DIP2C: variants seen among roughly 807,000 people sequenced by gnomAD.
DIP2C encodes the protein disco-interacting protein 2 homolog C.
DIP2C carries 33 observed loss-of-function variants against 192.4 expected under a neutral mutation model. That is an observed-to-expected ratio of 0.17 (90% CI 0.13 to 0.23). DIP2C has a LOEUF of 0.23. Ranked by LOEUF, DIP2C falls within the 10% of genes least tolerant of loss-of-function variation. DIP2C has a pLI of 1.00. For missense variants in DIP2C, 1,537 were observed against 2,110.1 expected (o/e 0.73, Z 5.32); for synonymous variants, 979 against 864.1 (o/e 1.13, Z -2.33).
chr10:431,833 GT>G (rs1966859184), intron 4 of DIP2C, among the ~76,000 whole-genome samples: 2 of 152,166 alleles, frequency 1.3e-5, no homozygotes, highest in African/African-American at 2.4e-5. Flanking sequence ...CCGGATCTTA[GT>G]GGGAAAAATT....
chr10:387,696 G>C (rs1464392697), intron 14 of DIP2C, 49 bp downstream of exon 14: 1 of 1,581,876 alleles, frequency 6.3e-7, no homozygotes, highest in Non-Finnish European at 8.7e-7. Flanking sequence ...GGCAGGGCAG[G>C]GTGGGGGACT....
intron 32 of DIP2C, among the ~76,000 whole-genome samples, chr10:301,088 G>C (rs892757148): frequency 1.3e-5 from 2 of 152,156 alleles, no homozygotes; most frequent in Non-Finnish European, 1.5e-5. Context: ...ACTGAGCGTG[G>C]AACATTAGGG....
chr10:384,061 C>T lies in DIP2C; in HGVS notation c.1842G>A (p.Leu614=). ...RDQRDINLSS[L]RMLIVADGAN... is the part of the protein sequence containing the mutation. The stretch of plus-strand genomic sequence containing the variant: ...CGCCGTCCGCCACTATCAGCATTCG[C>T]AGAGAGGAGAGGTTGATGTCTCTCT... The change falls in exon 16 of 37, where the codon CTG becomes CTA. Residue 614 remains leucine, a synonymous_variant. Coordinates refer to ENST00000280886, the MANE Select transcript of DIP2C (RefSeq NM_014974.3). 3 of 1,610,306 alleles carry T rather than the reference C, an allele frequency of 1.9e-6. No individual in the cohort carries two copies. The highest frequency in any genetic ancestry group is 2.5e-6 in the Non-Finnish European group (3 of 1,178,916).
chr10:316,396 A>G (rs780667897), intron 31 of DIP2C, among the ~76,000 whole-genome samples: 8 of 152,200 alleles, frequency 5.3e-5, no homozygotes, highest in Non-Finnish European at 1.2e-4. Context: ...CTGCTTTCCA[A>G]ACAGTAGGAG....
At chr10:486,573 T>C in intron 1 of DIP2C, 43 bp from the exon 2 acceptor site, 1 of 1,515,626 alleles carries the variant, frequency 6.6e-7, no homozygotes, top group African/African-American at 1.4e-5. Flanking sequence ...TCTCCGTGGA[T>C]AGAGCATTAT....
intron 4 of DIP2C, among the ~76,000 whole-genome samples, chr10:433,468 G>C (rs1027718725): frequency 1.3e-5 from 2 of 152,068 alleles, no homozygotes; most frequent in Admixed American, 1.3e-4. Flanking sequence ...CCTGAGGTCA[G>C]GAGTTCAAGA....
intron 3 of DIP2C, among the ~76,000 whole-genome samples, chr10:469,155 G>A (rs908106869): frequency 3.9e-5 from 6 of 152,082 alleles, no homozygotes; most frequent in Non-Finnish European, 8.8e-5. Flanking sequence ...GGACATCTCG[G>A]AGTCACTCTG....
intron 4 of DIP2C, among the ~76,000 whole-genome samples, chr10:440,434 G>A (rs1049619554): frequency 6.6e-6 from 1 of 152,184 alleles, no homozygotes; most frequent in Non-Finnish European, 1.5e-5. Flanking sequence ...TATGACCCGT[G>A]ATTTGGGTAA....
At chr10:556,980 C>CA (rs1848913154) in intron 1 of DIP2C, among the ~76,000 whole-genome samples, 1 of 152,214 alleles carries the variant, frequency 6.6e-6, no homozygotes, top group East Asian at 1.9e-4. Context: ...AGCTTTAAGA[C>CA]AACAGCCAGG....
chr10:307,466 T>C (rs1832221000), intron 32 of DIP2C, among the ~76,000 whole-genome samples: 2 of 152,034 alleles, frequency 1.3e-5, no homozygotes, highest in Non-Finnish European at 2.9e-5. Context: ...TGGGGCTGGC[T>C]TGGAGGACTG....
intron 22 of DIP2C, among the ~76,000 whole-genome samples, chr10:359,821 A>G (rs1959229805): frequency 1.3e-5 from 2 of 152,122 alleles, no homozygotes; most frequent in Admixed American, 6.5e-5. Context: ...GAATCTGACT[A>G]TGTTGCCCAG....
At chr10:290,641 A>G (rs1955443538) in intron 32 of DIP2C, among the ~76,000 whole-genome samples, 1 of 152,224 alleles carries the variant, frequency 6.6e-6, no homozygotes, top group African/African-American at 2.4e-5. Context: ...TGAAGACAGC[A>G]GTAGAGAAGC....
chr10:495,737 T>C (rs1844781889), intron 1 of DIP2C, among the ~76,000 whole-genome samples: 1 of 146,320 alleles, frequency 6.8e-6, no homozygotes, highest in Non-Finnish European at 1.5e-5. Flanking sequence ...TAAAAATCTC[T>C]CTTACTCGCA....
Position 581,187 on chromosome 10 carries a change from T to TA in DIP2C, c.86-94658_86-94657insT, listed in dbSNP as rs1850627422. Among the ~76,000 whole-genome samples, 11 of 151,684 alleles carry TA rather than the reference T, an allele frequency of 7.3e-5. No homozygotes were observed. The South Asian group carries it at 1.7e-3, about 23-fold the overall frequency. On this transcript the variant is annotated intron_variant, in intron 1 of 36. Coordinates refer to ENST00000280886, the MANE Select transcript of DIP2C (RefSeq NM_014974.3). The stretch of plus-strand genomic sequence containing the variant: ...CCCACCTGGCCACTTAGACGCTTTC[T>TA]GATACTTACTCTAGTCTACTTGTTT...
intron 4 of DIP2C, among the ~76,000 whole-genome samples, chr10:439,759 G>C (rs1967579193): frequency 6.6e-6 from 1 of 152,154 alleles, no homozygotes; most frequent in Non-Finnish European, 1.5e-5. Flanking sequence ...GCATATGCTT[G>C]ATCTCAGCTC....
At position 569,510 on chromosome 10, in the gene DIP2C, TAAC is replaced by T. The variant is rs566214099; in HGVS notation, c.86-82983_86-82981del. On this transcript the variant is annotated intron_variant, in intron 1 of 36. Transcript: ENST00000280886. ...AACTAGCTCAAACTCAAACGCAAAATAACAAACCAAAGCATGTGTGGCCTCTTA... is the reference window on the plus strand; with the variant it reads ...AACTAGCTCAAACTCAAACGCAAAATAAACCAAAGCATGTGTGGCCTCTTA... Among the ~76,000 whole-genome samples the T allele has an allele frequency of 1.9e-3, 296 of 152,122 alleles. 1 individual carries two copies. The highest frequency in any genetic ancestry group is 0.01 in the Middle Eastern group (3 of 292).
At chr10:351,029 C>T (rs978407313) in intron 24 of DIP2C, among the ~76,000 whole-genome samples, 7 of 151,790 alleles carry the variant, frequency 4.6e-5, no homozygotes, top group African/African-American at 4.8e-5. Flanking sequence ...GCAAGGCTGT[C>T]GGGACCGGAC....
At chr10:553,532 AAAGTT>A (rs1200481481) in intron 1 of DIP2C, among the ~76,000 whole-genome samples, 1 of 152,260 alleles carries the variant, frequency 6.6e-6, no homozygotes, top group Non-Finnish European at 1.5e-5. Flanking sequence ...TAATGAACTG[AAAGTT>A]AAGTCACCAC....
chr10:417,703 T>TCAGGGCG (rs1403097987), intron 6 of DIP2C, among the ~76,000 whole-genome samples: 8 of 117,072 alleles, frequency 6.8e-5, no homozygotes, highest in Admixed American at 8.7e-5. Context: ...CCTGTGCCTG[T>TCAGGGCG]CGGCTCAAAT....
Sources: allele counts gnomAD v4.1 joint callset (sites outside exome capture counted in the v4.1 genomes callset), GRCh38; gene constraint gnomAD v4.1.1; transcripts MANE v1.5; gene names NCBI Gene and HGNC (gene_info 2026-07-23, HGNC 2026-07-21).